Variants in PCBP3 observed in about 807,000 individuals in gnomAD.
The protein encoded by PCBP3 is poly(rC) binding protein 3, also known as poly(rC)-binding protein 3.
A neutral mutation model predicts 52.7 loss-of-function variants in PCBP3; 25 were observed. That is an observed-to-expected ratio of 0.47 (90% CI 0.35 to 0.66). PCBP3 has a LOEUF of 0.66. PCBP3 is among the 30% of genes least tolerant of loss of function. The probability of loss-of-function intolerance (pLI) is 0.01; values close to 1 mark genes in which losing one functional copy is unlikely to be tolerated. For missense variants in PCBP3, 391 were observed against 490.3 expected, an observed-to-expected ratio of 0.80 and a Z score of 1.91; for synonymous variants, 162 against 183.0, an observed-to-expected ratio of 0.89 and a Z score of 0.93.
At chr21:45,682,339 A>G (rs922451107) in intron 2 of PCBP3, among the ~76,000 whole-genome samples, 7 of 152,138 alleles carry the variant, frequency 4.6e-5, no homozygotes, top group African/African-American at 1.4e-4. Context: ...TGTTTTATAT[A>G]TAATGTCCAG....
In PCBP3 at chr21:45,940,114, G is replaced by A. The variant is rs191946294; in HGVS notation, c.994G>A (p.Ala332Thr). Residue 332 changes from alanine (A) to threonine (T), a missense_variant, in exon 17 of 18, where the codon GCC (alanine) becomes ACC (threonine). By Grantham distance (58) the Ala-to-Thr change is moderately conservative. Coordinates refer to ENST00000681687, the MANE Select transcript of PCBP3 (RefSeq NM_001384156.1). ...TGGAGCTCAGATCAAAATCGCCAAC[G>A]CCACGGAAGGGTCCTCAGAGCGTCA... ...MSGAQIKIAN[A>T]TEGSSERQIT... 1.6e-5 allele frequency: 26 copies of A among 1,614,184 alleles called. No homozygotes were observed. In the East Asian group the frequency reaches 3.1e-4, roughly 19 times the overall value.
chr21:45,742,553 A>C (rs1305277633), intron 3 of PCBP3, among the ~76,000 whole-genome samples: 5 of 152,206 alleles, frequency 3.3e-5, no homozygotes, highest in Non-Finnish European at 7.3e-5. Flanking sequence ...TAGCTCGCTC[A>C]GTATTTTCCG....
chr21:45,680,952 G>C (rs1178570829), intron 2 of PCBP3, among the ~76,000 whole-genome samples: 2 of 152,214 alleles, frequency 1.3e-5, no homozygotes, highest in Non-Finnish European at 2.9e-5. Flanking sequence ...AATCTGGGAA[G>C]CTCAAGATCA....
chr21:45,902,112 G>C (rs2096071279), intron 9 of PCBP3, among the ~76,000 whole-genome samples: 2 of 152,198 alleles, frequency 1.3e-5, no homozygotes, highest in East Asian at 3.9e-4. Context: ...CTAGAAGTGG[G>C]GCATCCCATG....
At position 45,736,889 on chromosome 21, in the gene PCBP3, A is replaced by T. The variant is rs1428872270; in HGVS notation, c.-162+1460A>T. On this transcript the variant is annotated intron_variant, in intron 3 of 17. Coordinates refer to ENST00000681687, the MANE Select transcript of PCBP3 (RefSeq NM_001384156.1). The surrounding 1 kb of genome is among the most constrained non-coding windows in gnomAD (Gnocchi z 4.6). The stretch of plus-strand genomic sequence containing the variant: ...CAGGGGGTGACAGTGGCTGTGGAGG[A>T]AACAGGGAAGGGCAGGGTGTGGGAG... Among the ~76,000 whole-genome samples the T allele has an allele frequency of 6.6e-6, 1 of 152,058 alleles. No homozygotes were observed. Among genetic ancestry groups the T allele is most frequent in the Non-Finnish European group, 1.5e-5 (1 of 67,990 alleles).
intron 2 of PCBP3, among the ~76,000 whole-genome samples, chr21:45,723,158 C>T (rs1439023908): frequency 6.6e-6 from 1 of 152,160 alleles, no homozygotes; most frequent in African/African-American, 2.4e-5. Flanking sequence ...CAGCTTTCTG[C>T]ACAGAGAGCT....
At chr21:45,883,407 G>A (rs1249519897) in intron 5 of PCBP3, among the ~76,000 whole-genome samples, 2 of 152,182 alleles carry the variant, frequency 1.3e-5, no homozygotes, top group African/African-American at 2.4e-5. Context: ...GTTAGGCCCC[G>A]TTGGTTGATG....
At chr21:45,674,272 C>G (rs1219589399) in intron 2 of PCBP3, among the ~76,000 whole-genome samples, 1 of 152,170 alleles carries the variant, frequency 6.6e-6, no homozygotes, top group Non-Finnish European at 1.5e-5. Context: ...AAGTTTTCTT[C>G]AAAACAACCC....
Position 45,853,232 on chromosome 21 carries a change from C to G in PCBP3, c.10+3137C>G, listed in dbSNP as rs117427768. On this transcript the variant is annotated intron_variant, in intron 5 of 17. Coordinates refer to ENST00000681687, the MANE Select transcript of PCBP3 (RefSeq NM_001384156.1). This position sits in a 1 kb window ranked among gnomAD's most constrained non-coding sequence, Gnocchi z 4.6. ...CACACAGCATCTCCTTGTTGTGCTCCGTGGATGTCGGGGTGGAAGGTGACC... is the reference window on the plus strand; with the variant it reads ...CACACAGCATCTCCTTGTTGTGCTCGGTGGATGTCGGGGTGGAAGGTGACC... 2.0e-5 allele frequency among the ~76,000 whole-genome samples: 3 copies of G among 152,126 alleles called. No homozygotes were observed. The highest frequency in any genetic ancestry group is 7.2e-5 in the African/African-American group (3 of 41,418).
At chr21:45,781,157 C>A (rs2090609163) in intron 4 of PCBP3, among the ~76,000 whole-genome samples, 1 of 152,092 alleles carries the variant, frequency 6.6e-6, no homozygotes, top group African/African-American at 2.4e-5. Context: ...GAAAGTCCAA[C>A]CTATATTCAG....
chr21:45,931,219 A>T (rs572875060), intron 15 of PCBP3, among the ~76,000 whole-genome samples: 9 of 152,374 alleles, frequency 5.9e-5, no homozygotes, highest in African/African-American at 2.2e-4. Flanking sequence ...CATTCCTCAG[A>T]TACTGTGGGG....
rs142408896 is a variant in PCBP3, at chr21:45,807,508, C to T, written c.-125-42453C>T. ...TGAAGGACCTCTTCAAGGAGAACTACAAACCACTGCTCAAGGAAATAAGAG... is the reference window on the plus strand; with the variant it reads ...TGAAGGACCTCTTCAAGGAGAACTATAAACCACTGCTCAAGGAAATAAGAG... On this transcript the variant is annotated intron_variant, in intron 4 of 17. Transcript: ENST00000681687. 3.7e-3 allele frequency among the ~76,000 whole-genome samples: 568 copies of T among 152,244 alleles called. 2 individuals carry two copies. The highest frequency in any genetic ancestry group is 0.013 in the African/African-American group (549 of 41,542).
rs746732609 is a variant in PCBP3, at chr21:45,827,571, C to T, written c.-125-22390C>T. Among the ~76,000 whole-genome samples the T allele has an allele frequency of 6.6e-6, 1 of 152,140 alleles. No individual in the cohort carries two copies. The highest frequency in any genetic ancestry group is 1.5e-5 in the Non-Finnish European group (1 of 68,026). The stretch of plus-strand genomic sequence containing the variant: ...GAGGAAGTGGAAAGTCTCAGCCAAG[C>T]GAAGACGGAGGGCCAACCAAGTCGA... On this transcript the variant is annotated intron_variant, in intron 4 of 17. Coordinates refer to ENST00000681687, the MANE Select transcript of PCBP3 (RefSeq NM_001384156.1). This position sits in a 1 kb window ranked among gnomAD's most constrained non-coding sequence, Gnocchi z 4.3.
At chr21:45,698,198 G>T (rs932186177) in intron 2 of PCBP3, among the ~76,000 whole-genome samples, 4 of 152,116 alleles carry the variant, frequency 2.6e-5, no homozygotes, top group Middle Eastern at 3.2e-3. Flanking sequence ...CCAAGATTAG[G>T]CTGAGGTACC....
At chr21:45,716,189 T>G (rs867103278) in intron 2 of PCBP3, among the ~76,000 whole-genome samples, 2 of 152,130 alleles carry the variant, frequency 1.3e-5, no homozygotes, top group Non-Finnish European at 2.9e-5. Flanking sequence ...CATGTGGATA[T>G]TCAATTGTCC....
Position 45,802,203 on chromosome 21 carries a change from G to A in PCBP3, c.-126+46751G>A, listed in dbSNP as rs954338056. ...CTCCTGGTAGCGGCTCTGCAGCTGG[G>A]CGCTGTTTCTGCCCTGTCATGCAAG... On this transcript the variant is annotated intron_variant, in intron 4 of 17. Coordinates refer to ENST00000681687, the MANE Select transcript of PCBP3 (RefSeq NM_001384156.1). This position sits in a 1 kb window ranked among gnomAD's most constrained non-coding sequence, Gnocchi z 5.1. Among the ~76,000 whole-genome samples the A allele has an allele frequency of 1.3e-5, 2 of 152,304 alleles. No homozygotes were observed. Among genetic ancestry groups the A allele is most frequent in the Admixed American group, 1.3e-4 (2 of 15,298 alleles).
At chr21:45,786,940 C>T (rs935474433) in intron 4 of PCBP3, among the ~76,000 whole-genome samples, 6 of 152,214 alleles carry the variant, frequency 3.9e-5, no homozygotes, top group African/African-American at 7.2e-5. Context: ...GGTCCCCTAG[C>T]GGCGTGCAGC....
intron 4 of PCBP3, chr21:45,762,085 A>G (rs1428933420): frequency 1.3e-5 from 2 of 151,976 alleles, no homozygotes; most frequent in African/African-American, 2.4e-5. Context: ...TGAGTGGGTT[A>G]AAACAACAAA....
At chr21:45,891,074 T>C (rs1363967007) in intron 5 of PCBP3, among the ~76,000 whole-genome samples, 1 of 151,786 alleles carries the variant, frequency 6.6e-6, no homozygotes, top group African/African-American at 2.4e-5. Flanking sequence ...GAGGGGAATG[T>C]AGATAATAGA....
Sources: allele counts gnomAD v4.1 joint callset (sites outside exome capture counted in the v4.1 genomes callset), GRCh38; gene constraint gnomAD v4.1.1; non-coding constraint Gnocchi (gnomAD v3.1); transcripts MANE v1.5; gene names NCBI Gene and HGNC (gene_info 2026-07-23, HGNC 2026-07-21).